LIPC: variants seen among roughly 807,000 people sequenced by gnomAD.
The protein encoded by LIPC is hepatic triacylglycerol lipase.
LIPC carries 44 observed loss-of-function variants against 50.7 expected under a neutral mutation model. The ratio of observed to expected loss-of-function variants is 0.87; its 90% CI spans 0.68 to 1.11. The LOEUF is 1.11. LIPC is among the 50% of genes most tolerant of loss of function. The pLI, the probability that LIPC is intolerant of heterozygous loss-of-function variation, is 0.00. For missense variants in LIPC, 697 were observed against 648.2 expected, an observed-to-expected ratio of 1.08 and a Z score of -0.82; for synonymous variants, 271 against 256.4, an observed-to-expected ratio of 1.06 and a Z score of -0.54.
At chr15:58,545,340 G>A (rs1327662256) in intron 4 of LIPC, among the ~76,000 whole-genome samples, 2 of 152,050 alleles carry the variant, frequency 1.3e-5, no homozygotes, top group Non-Finnish European at 2.9e-5. Context: ...CTGGGCTCAA[G>A]CAACCCTCCT....
intron 6 of LIPC, among the ~76,000 whole-genome samples, chr15:58,556,475 A>C (rs538409979): frequency 1.3e-5 from 2 of 152,356 alleles, no homozygotes; most frequent in South Asian, 4.1e-4. Context: ...TTACTGCAGA[A>C]AATGTGAAAC....
At chr15:58,487,784 G>A (rs1403102601) in intron 1 of LIPC, among the ~76,000 whole-genome samples, 2 of 152,194 alleles carry the variant, frequency 1.3e-5, no homozygotes, top group Non-Finnish European at 2.9e-5. Context: ...GTTATTTTAA[G>A]GAAATTCAGC....
At chr15:58,449,202 C>T (rs73420594) in intron 1 of LIPC, among the ~76,000 whole-genome samples, 11,446 of 152,292 alleles carry the variant, frequency 0.075, 418 homozygotes, top group Middle Eastern at 0.16. Context: ...CTGCTCCATG[C>T]TTCAGCCACC....
intron 1 of LIPC, among the ~76,000 whole-genome samples, chr15:58,441,410 C>A (rs1404520445): frequency 6.6e-6 from 1 of 152,214 alleles, no homozygotes; most frequent in African/African-American, 2.4e-5. Context: ...ATAGACTTAA[C>A]AGCAATTTCA....
intron 1 of LIPC, among the ~76,000 whole-genome samples, chr15:58,532,523 CT>C (rs1441231042): frequency 6.6e-6 from 1 of 152,130 alleles, no homozygotes; most frequent in Non-Finnish European, 1.5e-5. Context: ...AAAAGCCCCC[CT>C]ACACACACAT....
At chr15:58,562,934 G>A (rs1484078633) in intron 7 of LIPC, among the ~76,000 whole-genome samples, 1 of 152,160 alleles carries the variant, frequency 6.6e-6, no homozygotes, top group East Asian at 1.9e-4. Context: ...TCAACGTTGG[G>A]ATATTTTAGT....
intron 1 of LIPC, among the ~76,000 whole-genome samples, chr15:58,443,394 A>G (rs1306106175): frequency 1.3e-5 from 2 of 152,162 alleles, no homozygotes; most frequent in Non-Finnish European, 2.9e-5. Context: ...CTCAGCCTCC[A>G]TCACTGCCCC....
intron 1 of LIPC, among the ~76,000 whole-genome samples, chr15:58,460,150 T>A (rs1282158507): frequency 6.6e-6 from 1 of 152,178 alleles, no homozygotes; most frequent in East Asian, 1.9e-4. Context: ...CCGATGAACA[T>A]CCCCAAAACC....
intron 1 of LIPC, among the ~76,000 whole-genome samples, chr15:58,524,332 C>A (rs149027257): frequency 1.3e-5 from 2 of 152,320 alleles, no homozygotes; most frequent in East Asian, 3.9e-4. Flanking sequence ...GTTCAGTTAT[C>A]TAGACACTAG....
rs141449964 is a variant in LIPC at position 58,567,447 on chromosome 15, T to A, written c.1389-1269T>A. Among the ~76,000 whole-genome samples the A allele has an allele frequency of 3.5e-3, 523 of 150,042 alleles. 1 individual carries two copies. Among genetic ancestry groups the A allele is most frequent in the African/African-American group, 0.012 (494 of 40,972 alleles). Reference sequence around the variant, plus strand: ...ACATGTTTAAATATGCATACTACTTTGAGCCAGAATTTTATTTCTAGGTGT... The same window carrying A: ...ACATGTTTAAATATGCATACTACTTAGAGCCAGAATTTTATTTCTAGGTGT... On this transcript the variant is annotated intron_variant, in intron 8 of 8. Transcript: ENST00000299022.
At chr15:58,534,800 G>T (rs528950704) in intron 1 of LIPC, among the ~76,000 whole-genome samples, 1 of 152,260 alleles carries the variant, frequency 6.6e-6, no homozygotes, top group Admixed American at 6.5e-5. Flanking sequence ...ACATTTTTGG[G>T]TGTTAATATT....
chr15:58,489,220 G>A (rs180675805), intron 1 of LIPC, among the ~76,000 whole-genome samples: 1 of 32,254 alleles, frequency 3.1e-5, no homozygotes, highest in East Asian at 1.0e-3. Context: ...TTTGTTGCGG[G>A]GGCGGGGGGG....
chr15:58,547,875 T>C (rs1333536994), intron 5 of LIPC, among the ~76,000 whole-genome samples: 1 of 152,094 alleles, frequency 6.6e-6, no homozygotes, highest in Non-Finnish European at 1.5e-5. Context: ...TGTATCTAGT[T>C]ATATTAAGAG....
chr15:58,533,376 ATGC>A (rs1465268360), intron 1 of LIPC, among the ~76,000 whole-genome samples: 5 of 152,270 alleles, frequency 3.3e-5, no homozygotes, highest in African/African-American at 1.2e-4. Context: ...GCTTTTAAAA[ATGC>A]TGAAGATCAA....
chr15:58,479,298 G>T (rs904354188), intron 1 of LIPC, among the ~76,000 whole-genome samples: 1 of 152,226 alleles, frequency 6.6e-6, no homozygotes, highest in Non-Finnish European at 1.5e-5. Flanking sequence ...ACAAACAGTA[G>T]GAAAGGTAAT....
At chr15:58,455,437 G>A (rs1566912981) in intron 1 of LIPC, among the ~76,000 whole-genome samples, 1 of 151,748 alleles carries the variant, frequency 6.6e-6, no homozygotes, top group Non-Finnish European at 1.5e-5. Flanking sequence ...GAGAGCCATA[G>A]AAAAAAAATG....
At chr15:58,501,173 C>T (rs1408159322) in intron 1 of LIPC, among the ~76,000 whole-genome samples, 1 of 152,032 alleles carries the variant, frequency 6.6e-6, no homozygotes, top group Non-Finnish European at 1.5e-5. Flanking sequence ...TCTACAACCG[C>T]ACGCCTCACA....
chr15:58,546,305 G>A (rs1186355783), intron 5 of LIPC, among the ~76,000 whole-genome samples: 1 of 152,212 alleles, frequency 6.6e-6, no homozygotes, highest in East Asian at 1.9e-4. Context: ...GTTGAGTCCG[G>A]ATGCCTGTGG....
At chr15:58,507,908 G>A (rs574609331) in intron 1 of LIPC, among the ~76,000 whole-genome samples, 8 of 152,188 alleles carry the variant, frequency 5.3e-5, no homozygotes, top group Non-Finnish European at 1.0e-4. Flanking sequence ...AGGGGGAGAC[G>A]AGTGGACTTG....
Sources: allele counts gnomAD v4.1 joint callset (sites outside exome capture counted in the v4.1 genomes callset), GRCh38; gene constraint gnomAD v4.1.1; transcripts MANE v1.5; gene names NCBI Gene and HGNC (gene_info 2026-07-23, HGNC 2026-07-21).